The following NSD2 variants were observed in gnomAD, a reference collection of about 807,000 sequenced individuals.
NSD2 encodes histone-lysine N-methyltransferase NSD2.
A neutral mutation model predicts 139.0 loss-of-function variants in NSD2; 12 were observed. That is an observed-to-expected ratio of 0.09 (90% CI 0.06 to 0.14). NSD2 has a LOEUF of 0.14. Among genes scored for constraint, NSD2 ranks in the 10% least tolerant of loss-of-function variants. The probability of loss-of-function intolerance (pLI) is 1.00; values close to 1 mark genes in which losing one functional copy is unlikely to be tolerated. For synonymous variants in NSD2, 669 were observed against 648.7 expected (o/e 1.03, Z -0.48); for missense variants, 1,155 against 1,745.0 (o/e 0.66, Z 6.02).
chr4:1,940,441 A>G (rs977753820), intron 9 of NSD2: 6 of 1,063,442 alleles, frequency 5.6e-6, no homozygotes, highest in Non-Finnish European at 6.8e-6. Flanking sequence ...CTTAGACTTT[A>G]TTATCAAACC....
chr4:1,978,135 AAG>A (rs1727308937), intron 21 of NSD2, among the ~76,000 whole-genome samples: 1 of 152,290 alleles, frequency 6.6e-6, no homozygotes, highest in Non-Finnish European at 1.5e-5. Flanking sequence ...TCAAAAAAAA[AAG>A]AATTCAGATA....
chr4:1,890,166 G>A (rs1386203779), intron 1 of NSD2, among the ~76,000 whole-genome samples: 1 of 152,094 alleles, frequency 6.6e-6, no homozygotes, highest in African/African-American at 2.4e-5. Flanking sequence ...TTCTTTTTGT[G>A]GCTAAATATC....
intron 1 of NSD2, among the ~76,000 whole-genome samples, chr4:1,879,612 C>T (rs551868131): frequency 7.9e-5 from 12 of 152,066 alleles, no homozygotes; most frequent in Non-Finnish European, 1.6e-4. Flanking sequence ...GCTGGCCAGT[C>T]CTTTGTGGTT....
intron 3 of NSD2, among the ~76,000 whole-genome samples, chr4:1,914,491 A>T (rs909350743): frequency 1.3e-5 from 2 of 149,070 alleles, no homozygotes; most frequent in Admixed American, 6.6e-5. Flanking sequence ...ATGCCTGACT[A>T]ATTTTTTGTG....
chr4:1,910,972 G>T (rs905413789), intron 3 of NSD2, among the ~76,000 whole-genome samples: 3 of 151,876 alleles, frequency 2.0e-5, no homozygotes, highest in African/African-American at 7.3e-5. Flanking sequence ...CAGACACCTG[G>T]CCTTGTCTGC....
intron 5 of NSD2, among the ~76,000 whole-genome samples, chr4:1,928,030 C>T (rs533788291): frequency 3.3e-5 from 5 of 151,942 alleles, no homozygotes; most frequent in Admixed American, 2.0e-4. Context: ...GCTGTGACTA[C>T]AGGCACTTGC....
In NSD2 at chr4:1,981,033, C is replaced by CA. The variant is rs1441868172; in HGVS notation, c.*2128dup. 4.3e-6 allele frequency: 1 copy of CA among 233,128 alleles called. No homozygotes were observed. The highest frequency in any genetic ancestry group is 2.2e-5 in the African/African-American group (1 of 45,352). 14.4% of individuals were successfully genotyped at this position (233,128 alleles called of 1,614,324 possible). On this transcript the variant is annotated 3_prime_UTR_variant, in exon 22 of 22. Transcript: ENST00000508803. Reference sequence around the variant, plus strand: ...GGTAAGGGACTACCAATGCTTACGTCAAAACAGCAGAATCGGCTTTGCAGT... The same window carrying CA: ...GGTAAGGGACTACCAATGCTTACGTCAAAAACAGCAGAATCGGCTTTGCAGT...
chr4:1,928,684 G>C (rs73202832), intron 5 of NSD2, among the ~76,000 whole-genome samples: 8,530 of 151,660 alleles, frequency 0.056, 322 homozygotes, highest in Middle Eastern at 0.082. Context: ...AAAGGACACT[G>C]TTAGCATTCA....
chr4:1,977,818 A>C (rs1322347247), intron 21 of NSD2, among the ~76,000 whole-genome samples: 1 of 147,886 alleles, frequency 6.8e-6, no homozygotes, highest in Non-Finnish European at 1.5e-5. Context: ...AACAAACAAA[A>C]AACAAAACTA....
In NSD2 at chr4:1,939,822, G is replaced by A. The variant is rs1397817515; in HGVS notation, c.1881+44G>A. ...CGATAACCATGGCATTGGTATGAAG[G>A]CCATTTAGCTGCCCACGCTGCAGTG... is the stretch of plus-strand genomic sequence containing the variant. On this transcript the variant is annotated intron_variant, in intron 9 of 21. Transcript: ENST00000508803. 5 of 1,613,252 alleles carry A rather than the reference G, an allele frequency of 3.1e-6. No individual in the cohort carries two copies. In the Admixed American group the frequency reaches 8.3e-5, roughly 27 times the overall value.
At chr4:1,934,570 C>G (rs1722075224) in intron 6 of NSD2, among the ~76,000 whole-genome samples, 1 of 150,462 alleles carries the variant, frequency 6.6e-6, no homozygotes. Flanking sequence ...AATTATAAGG[C>G]CAGGCGCGGT....
At chr4:1,944,936 A>T in intron 9 of NSD2, 1 of 1,063,486 alleles carries the variant, frequency 9.4e-7, no homozygotes, top group Non-Finnish European at 1.1e-6. Context: ...AGTGTTTTTA[A>T]GAGAATGTTT....
chr4:1,894,686 A>G (rs1450698950), intron 1 of NSD2, among the ~76,000 whole-genome samples: 1 of 152,004 alleles, frequency 6.6e-6, no homozygotes, highest in Admixed American at 6.6e-5. Context: ...AAAAAAAAAA[A>G]AAAAATGAAA....
chr4:1,960,625 A>G (rs1184593029), intron 17 of NSD2, among the ~76,000 whole-genome samples: 1 of 152,238 alleles, frequency 6.6e-6, no homozygotes, highest in Non-Finnish European at 1.5e-5. Flanking sequence ...ACACCTCCCC[A>G]GCACCCTTGT....
At position 1,901,718 on chromosome 4, in the gene NSD2, G is replaced by A. The variant is rs556619800; in HGVS notation, c.597+467G>A. ...GTGGGAAGCAGAGCTGTGCAGAGGT[G>A]CTCCCGCTGTCCTTACCCTGTGGTC... is the stretch of plus-strand genomic sequence containing the variant. On this transcript the variant is annotated intron_variant, in intron 2 of 21. Coordinates refer to ENST00000508803, the MANE Select transcript of NSD2 (RefSeq NM_001042424.3). 2.0e-5 allele frequency among the ~76,000 whole-genome samples: 3 copies of A among 152,330 alleles called. No homozygotes were observed. In the East Asian group the frequency reaches 5.8e-4, roughly 29 times the overall value.
chr4:1,903,661 A>C (rs73796606), intron 2 of NSD2, among the ~76,000 whole-genome samples: 3,827 of 152,142 alleles, frequency 0.025, 163 homozygotes, highest in African/African-American at 0.088. Flanking sequence ...TTATATAGAG[A>C]TCTTCAAAAT....
At chr4:1,878,247 ATATATTTTTTTTTTTTTTTTT>A (rs1172122854) in intron 1 of NSD2, among the ~76,000 whole-genome samples, 1 of 37,154 alleles carries the variant, frequency 2.7e-5, no homozygotes, top group African/African-American at 1.3e-4. Flanking sequence ...ATATATATAT[ATATATTTTTTTTTTTTTTTTT>A]TTTTTTTTTT....
chr4:1,966,641 A>G (rs1725917643), intron 18 of NSD2, among the ~76,000 whole-genome samples: 1 of 150,796 alleles, frequency 6.6e-6, no homozygotes, highest in South Asian at 2.1e-4. Flanking sequence ...TGGGTGACAG[A>G]GCAAGACTCT....
chr4:1,947,965 C>T, intron 9 of NSD2: 1 of 1,056,874 alleles, frequency 9.5e-7, no homozygotes, highest in Non-Finnish European at 1.1e-6. Context: ...GGGCCACGTG[C>T]TTTTAGCAGT....
Sources: allele counts gnomAD v4.1 joint callset (sites outside exome capture counted in the v4.1 genomes callset), GRCh38; gene constraint gnomAD v4.1.1; transcripts MANE v1.5; gene names NCBI Gene and HGNC (gene_info 2026-07-23, HGNC 2026-07-21).